MAP3K5: variants seen among roughly 807,000 people sequenced by gnomAD.
MAP3K5 encodes ASK-1.
In MAP3K5, 56 loss-of-function variants were observed where a neutral mutation model predicts 158.7. The observed-to-expected ratio is 0.35, with a 90% confidence interval of 0.28 to 0.44. The LOEUF (loss-of-function observed/expected upper bound fraction) is 0.44. Among genes scored for constraint, MAP3K5 ranks in the 20% least tolerant of loss-of-function variants. The pLI is 1.00. For missense variants in MAP3K5, 1,294 were observed against 1,674.8 expected (o/e 0.77, Z 3.97); for synonymous variants, 579 against 601.7 (o/e 0.96, Z 0.55).
chr6:136,785,174 T>C (rs1208100143), intron 1 of MAP3K5, among the ~76,000 whole-genome samples: 1 of 152,216 alleles, frequency 6.6e-6, no homozygotes, highest in Non-Finnish European at 1.5e-5. Context: ...TTATGTTCTG[T>C]TTTGTTTTAT....
chr6:136,672,397 T>C (rs1425952407), intron 7 of MAP3K5, among the ~76,000 whole-genome samples: 1 of 152,204 alleles, frequency 6.6e-6, no homozygotes, highest in Non-Finnish European at 1.5e-5. Context: ...ATTCTGACCC[T>C]GAGATTAGGC....
intron 28 of MAP3K5, 49 bp downstream of exon 28, chr6:136,561,483 AT>A: frequency 7.3e-7 from 1 of 1,374,146 alleles, no homozygotes; most frequent in Non-Finnish European, 1.0e-6. Context: ...GGCACCCAAC[AT>A]TATGAAACGA....
chr6:136,577,630 C>T (rs1774677539), intron 25 of MAP3K5, among the ~76,000 whole-genome samples: 1 of 152,222 alleles, frequency 6.6e-6, no homozygotes, highest in Non-Finnish European at 1.5e-5. Flanking sequence ...TGCAACCTCC[C>T]TGCTGTTCTC....
chr6:136,720,363 A>G (rs1048036135), intron 2 of MAP3K5, 87 bp downstream of exon 2: 2 of 1,246,066 alleles, frequency 1.6e-6, no homozygotes, highest in Non-Finnish European at 2.2e-6. Flanking sequence ...TTTCACAAAT[A>G]AAAGCTACTT....
rs1220163796 is a variant in MAP3K5 at position 136,592,420 on chromosome 6, G to A, written c.3056+17C>T. Reference sequence around the variant, plus strand: ...TAACAACACACTTCTCTCACCCCAAGTAAGTCAGGTCTTTACCCCAAAAAG... The same window carrying A: ...TAACAACACACTTCTCTCACCCCAAATAAGTCAGGTCTTTACCCCAAAAAG... On this transcript the variant is annotated intron_variant, in intron 22 of 29. Coordinates refer to ENST00000359015, the MANE Select transcript of MAP3K5 (RefSeq NM_005923.4). 1 of 1,612,536 alleles carries A rather than the reference G, an allele frequency of 6.2e-7. No homozygotes were observed. The highest frequency in any genetic ancestry group is 8.5e-7 in the Non-Finnish European group (1 of 1,179,192).
rs1177264677 is a variant in MAP3K5, at chr6:136,599,249, C to T, written c.2878+1773G>A. Reference sequence around the variant, plus strand: ...TCCTAGGAAGGAGAGGGAGGAGGCACATCATCCATGTAATGATATTGTTTT... The same window carrying T: ...TCCTAGGAAGGAGAGGGAGGAGGCATATCATCCATGTAATGATATTGTTTT... On this transcript the variant is annotated intron_variant, in intron 21 of 29. Transcript: ENST00000359015. 2.0e-5 allele frequency among the ~76,000 whole-genome samples: 3 copies of T among 151,748 alleles called. 1 individual carries two copies. In the South Asian group the frequency reaches 6.2e-4, roughly 32 times the overall value.
chr6:136,665,256 TTACTTTATTAAC>T (rs1401126642), intron 8 of MAP3K5, among the ~76,000 whole-genome samples: 10 of 152,226 alleles, frequency 6.6e-5, no homozygotes, highest in Non-Finnish European at 4.4e-5. Context: ...AGCTTTATCA[TTACTTTATTAAC>T]TATAATAGTG....
intron 8 of MAP3K5, among the ~76,000 whole-genome samples, 167 bp from the exon 9 acceptor site, chr6:136,659,545 T>A (rs1175269697): frequency 1.3e-5 from 2 of 152,240 alleles, no homozygotes; most frequent in East Asian, 1.9e-4. Flanking sequence ...AAATAAGTCA[T>A]AAAAAGGAAT....
chr6:136,579,624 A>G (rs1774777670), intron 25 of MAP3K5, among the ~76,000 whole-genome samples: 1 of 152,240 alleles, frequency 6.6e-6, no homozygotes. Context: ...AATGTGAACT[A>G]TGGACTCTTG....
At chr6:136,677,132 AT>A (rs1214152994) in intron 7 of MAP3K5, among the ~76,000 whole-genome samples, 3,972 of 93,384 alleles carry the variant, frequency 0.043, 55 homozygotes, top group African/African-American at 0.084. Context: ...GATGATATCC[AT>A]TTTTTTTTTT....
chr6:136,780,230 A>G (rs1050799781), intron 1 of MAP3K5, among the ~76,000 whole-genome samples: 1 of 152,206 alleles, frequency 6.6e-6, no homozygotes, highest in Non-Finnish European at 1.5e-5. Flanking sequence ...TGCAAAACTG[A>G]TAGTAATGCA....
rs368136362 is a variant in MAP3K5, at chr6:136,772,016, C to T, written c.448+19694G>A. Among the ~76,000 whole-genome samples, 20 of 151,482 alleles carry T rather than the reference C, an allele frequency of 1.3e-4. No homozygotes were observed. In the East Asian group the frequency reaches 2.1e-3, roughly 16 times the overall value. On this transcript the variant is annotated intron_variant, in intron 1 of 29. Coordinates refer to ENST00000359015, the MANE Select transcript of MAP3K5 (RefSeq NM_005923.4). Reference sequence around the variant, plus strand: ...CTCTGCTTCCCAGGTTCAAGCGATTCTCCTGCCTCAGCCTCCCAACTAGCT... The same window carrying T: ...CTCTGCTTCCCAGGTTCAAGCGATTTTCCTGCCTCAGCCTCCCAACTAGCT...
At chr6:136,654,732 C>T (rs941170726) in intron 10 of MAP3K5, among the ~76,000 whole-genome samples, 1 of 152,144 alleles carries the variant, frequency 6.6e-6, no homozygotes, top group African/African-American at 2.4e-5. Flanking sequence ...AAGTATAAGT[C>T]CTCATGCCTG....
At chr6:136,632,846 T>A (rs1344078487) in intron 14 of MAP3K5, among the ~76,000 whole-genome samples, 1 of 152,188 alleles carries the variant, frequency 6.6e-6, no homozygotes, top group Non-Finnish European at 1.5e-5. Flanking sequence ...AATTGTTTGA[T>A]GATTTCAATA....
chr6:136,648,239 A>G (rs1208588887), intron 11 of MAP3K5, among the ~76,000 whole-genome samples: 1 of 152,224 alleles, frequency 6.6e-6, no homozygotes, highest in Non-Finnish European at 1.5e-5. Flanking sequence ...ACTTCTAATA[A>G]TGAAAAAGAA....
At chr6:136,669,520 G>A (rs1465137254) in intron 7 of MAP3K5, 125 bp from the exon 8 acceptor site, 3 of 625,314 alleles carry the variant, frequency 4.8e-6, no homozygotes, top group Non-Finnish European at 8.5e-6. Context: ...CTTCACCCCA[G>A]AATCTGGTGT....
chr6:136,676,704 T>C (rs1012501662), intron 7 of MAP3K5, among the ~76,000 whole-genome samples: 6 of 152,216 alleles, frequency 3.9e-5, no homozygotes, highest in African/African-American at 1.4e-4. Context: ...AGCATGTTGA[T>C]ACTTATTATT....
chr6:136,767,827 A>G (rs1784026913), intron 1 of MAP3K5, among the ~76,000 whole-genome samples: 1 of 152,374 alleles, frequency 6.6e-6, no homozygotes, highest in East Asian at 1.9e-4. Context: ...TGGTACTGGC[A>G]TAAGGACAAA....
At chr6:136,715,852 G>A (rs567271918) in intron 2 of MAP3K5, among the ~76,000 whole-genome samples, 79 of 151,576 alleles carry the variant, frequency 5.2e-4, no homozygotes, top group African/African-American at 1.8e-3. Context: ...CCAACATGGC[G>A]AAACCCCGTC....
Sources: allele counts gnomAD v4.1 joint callset (sites outside exome capture counted in the v4.1 genomes callset), GRCh38; gene constraint gnomAD v4.1.1; transcripts MANE v1.5; gene names NCBI Gene and HGNC (gene_info 2026-07-23, HGNC 2026-07-21).